The following HERC3 variants were observed in gnomAD, a reference collection of about 807,000 sequenced individuals.
HERC3 encodes HECT and RLD domain containing E3 ubiquitin protein ligase 3.
Under a neutral mutation model 129.9 loss-of-function variants are expected in HERC3, and 58 were observed. The observed-to-expected ratio is 0.45, with a 90% CI of 0.36 to 0.56. The LOEUF (loss-of-function observed/expected upper bound fraction) is 0.56, where lower values mean the gene tolerates loss of function less well. Among genes scored for constraint, HERC3 ranks in the 20% least tolerant of loss-of-function variants. The pLI, the probability that HERC3 is intolerant of heterozygous loss-of-function variation, is 0.00. For synonymous variants in HERC3, 430 were observed against 451.0 expected (o/e 0.95, Z 0.59); for missense variants, 835 against 1,244.2 (o/e 0.67, Z 4.95).
the HERC3 span, among the ~76,000 whole-genome samples, chr4:88,558,540 C>G: frequency 1.3e-5 from 2 of 152,166 alleles, no homozygotes; most frequent in African/African-American, 4.8e-5. Flanking sequence ...ACACTACATA[C>G]TGGGTACAGT....
chr4:88,651,914 GT>G, intron 4 of HERC3, 97 bp from the exon 5 acceptor site: 1 of 916,574 alleles, frequency 1.1e-6, no homozygotes, highest in South Asian at 1.4e-5. Context: ...GCAAGATGGT[GT>G]TATTTATTAC....
At chr4:88,664,251 C>A in intron 12 of HERC3, 39 bp downstream of exon 12, 1 of 1,505,932 alleles carries the variant, frequency 6.6e-7, no homozygotes, top group South Asian at 1.1e-5. Context: ...TCACGTGTAC[C>A]TGTAGTCTCA....
At chr4:88,530,106 ATGGTGAAACCC>A in the HERC3 span, among the ~76,000 whole-genome samples, 1 of 152,214 alleles carries the variant, frequency 6.6e-6, no homozygotes, top group African/African-American at 2.4e-5. Flanking sequence ...CCTGGCCAAC[ATGGTGAAACCC>A]TGTCTCTGTT....
In HERC3 at chr4:88,616,892, G is replaced by A. The variant is rs188749010; in HGVS notation, c.226+10843G>A. Among the ~76,000 whole-genome samples the A allele has an allele frequency of 2.0e-5, 3 of 152,168 alleles. No homozygotes were observed. In the East Asian group the frequency reaches 5.8e-4, roughly 29 times the overall value. On this transcript the variant is annotated intron_variant, in intron 3 of 25. Coordinates refer to ENST00000402738, the MANE Select transcript of HERC3 (RefSeq NM_014606.3). Reference sequence around the variant, plus strand: ...GAGTGGAATTTTGTAGTGATGCAGAGATTTATTCTTCCTGCCAAATCTCTA... The same window carrying A: ...GAGTGGAATTTTGTAGTGATGCAGAAATTTATTCTTCCTGCCAAATCTCTA...
At chr4:88,617,335 A>G (rs763329400) in intron 3 of HERC3, among the ~76,000 whole-genome samples, 3 of 152,132 alleles carry the variant, frequency 2.0e-5, no homozygotes, top group Non-Finnish European at 4.4e-5. Context: ...AGTCATACTA[A>G]TAAGAGCTTG....
chr4:88,556,571 T>C, the HERC3 span, among the ~76,000 whole-genome samples: 1 of 152,130 alleles, frequency 6.6e-6, no homozygotes, highest in East Asian at 1.9e-4. Flanking sequence ...CAGCCACAAG[T>C]CCTATAAATT....
At chr4:88,644,557 A>C (rs1728492521) in intron 3 of HERC3, among the ~76,000 whole-genome samples, 1 of 152,186 alleles carries the variant, frequency 6.6e-6, no homozygotes, top group Non-Finnish European at 1.5e-5. Flanking sequence ...AAAACTCAAA[A>C]CTATAGTGAG....
chr4:88,621,139 G>GC (rs1725471449), intron 3 of HERC3, among the ~76,000 whole-genome samples: 1 of 151,848 alleles, frequency 6.6e-6, no homozygotes. Flanking sequence ...TCGGAGTCTC[G>GC]CTCTGTCACC....
intron 3 of HERC3, among the ~76,000 whole-genome samples, chr4:88,616,882 G>T (rs1022953036): frequency 6.6e-6 from 1 of 152,058 alleles, no homozygotes; most frequent in Non-Finnish European, 1.5e-5. Flanking sequence ...GAATTTTGTA[G>T]TGATGCAGAG....
chr4:88,549,231 T>TG, the HERC3 span, among the ~76,000 whole-genome samples: 23 of 152,222 alleles, frequency 1.5e-4, no homozygotes, highest in South Asian at 4.1e-4. Flanking sequence ...GCACCATTTT[T>TG]GGGGGGGTGA....
At position 88,676,381 on chromosome 4, in the gene HERC3, C is replaced by T. The variant is rs745389469; in HGVS notation, c.1983C>T (p.Ala661=). Residue 661 remains alanine (A), a synonymous_variant, in exon 18 of 26, where the codon GCC becomes GCT. Transcript: ENST00000402738. The part of the protein sequence containing the change: ...CSYPFIFDAQ[A]KTKMLQTDAE... ...ACCCTTTCATCTTTGATGCCCAAGC[C>T]AAGACCAAAATGTTACAGACAGATG... 13 of 1,612,834 alleles carry T rather than the reference C, an allele frequency of 8.1e-6. No homozygotes were observed. The highest frequency in any genetic ancestry group is 1.1e-5 in the Non-Finnish European group (13 of 1,178,946).
intron 3 of HERC3, among the ~76,000 whole-genome samples, chr4:88,630,491 C>A (rs190248168): frequency 2.0e-5 from 3 of 152,072 alleles, no homozygotes; most frequent in Non-Finnish European, 2.9e-5. Context: ...AACTGCCTTC[C>A]TGGAGCTTAC....
chr4:88,556,684 T>C, the HERC3 span, among the ~76,000 whole-genome samples: 11,505 of 152,158 alleles, frequency 0.076, 616 homozygotes, highest in East Asian at 0.27. Context: ...TCTTCTACTC[T>C]ACCACCACAG....
At chr4:88,610,453 C>CAA (rs10616395) in intron 3 of HERC3, among the ~76,000 whole-genome samples, 2,265 of 122,210 alleles carry the variant, frequency 0.019, 63 homozygotes, top group African/African-American at 0.061. Context: ...GACTCCGTCT[C>CAA]AAAAAAAAAA....
At chr4:88,587,093 AC>A in the HERC3 span, among the ~76,000 whole-genome samples, 2 of 152,218 alleles carry the variant, frequency 1.3e-5, no homozygotes, top group African/African-American at 4.8e-5. Flanking sequence ...CTGGGCTTTT[AC>A]CTATATGTAG....
chr4:88,595,384 T>C (rs1021026658), intron 1 of HERC3, among the ~76,000 whole-genome samples, 173 bp from the exon 2 acceptor site: 2 of 152,204 alleles, frequency 1.3e-5, no homozygotes, highest in Admixed American at 1.3e-4. Context: ...GTTATCTTAC[T>C]GGTATTTAAC....
the HERC3 span, among the ~76,000 whole-genome samples, chr4:88,567,195 T>C: frequency 6.6e-6 from 1 of 152,208 alleles, no homozygotes; most frequent in African/African-American, 2.4e-5. Flanking sequence ...ATTTGTTTCA[T>C]TTCCCTTGCT....
chr4:88,704,863 C>CTTTCTTTTTTTTTTTTT (rs1336673525), intron 25 of HERC3, among the ~76,000 whole-genome samples: 111 of 130,654 alleles, frequency 8.5e-4, no homozygotes, highest in South Asian at 3.0e-3. Context: ...TTCTTTCTTT[C>CTTTCTTTTTTTTTTTTT]TTTTTTTTTT....
intron 4 of HERC3, among the ~76,000 whole-genome samples, chr4:88,650,416 A>G (rs1180949366): frequency 5.3e-5 from 8 of 152,222 alleles, no homozygotes; most frequent in African/African-American, 1.4e-4. Flanking sequence ...AAGCATTACA[A>G]ACAGCTAAAA....
Sources: gnomAD v4.1 joint callset for allele counts (sites outside exome capture counted in the v4.1 genomes callset) on GRCh38, gnomAD v4.1.1 for gene constraint, MANE v1.5 for transcripts, NCBI Gene and HGNC (gene_info 2026-07-23, HGNC 2026-07-21) for gene names.